The following CNTNAP2 variants were observed in gnomAD, a reference collection of about 807,000 sequenced individuals.
CNTNAP2 encodes the protein contactin-associated protein-like 2.
Under a neutral mutation model 155.2 loss-of-function variants are expected in CNTNAP2, and 98 were observed. That is an observed-to-expected ratio of 0.63 (90% CI 0.54 to 0.75). The LOEUF (loss-of-function observed/expected upper bound fraction) is 0.75. CNTNAP2 is among the 30% of genes least tolerant of loss of function. The probability of loss-of-function intolerance (pLI) is 0.00; values close to 1 mark genes in which losing one functional copy is unlikely to be tolerated. For missense variants in CNTNAP2, 1,727 were observed against 1,688.1 expected, an observed-to-expected ratio of 1.02 and a Z score of -0.40; for synonymous variants, 651 against 631.2, an observed-to-expected ratio of 1.03 and a Z score of -0.47.
At chr7:147,187,699 A>G (rs1318796387) in intron 8 of CNTNAP2, among the ~76,000 whole-genome samples, 1 of 152,192 alleles carries the variant, frequency 6.6e-6, no homozygotes, top group African/African-American at 2.4e-5. Flanking sequence ...ATCACACTAT[A>G]TATCTTTGTA....
At chr7:147,288,148 T>C (rs1805225002) in intron 8 of CNTNAP2, among the ~76,000 whole-genome samples, 1 of 152,292 alleles carries the variant, frequency 6.6e-6, no homozygotes, top group East Asian at 1.9e-4. Flanking sequence ...AGGCTTCAGA[T>C]TTACTGTCAC....
intron 15 of CNTNAP2, among the ~76,000 whole-genome samples, chr7:148,080,862 CA>C (rs1803589999): frequency 6.6e-6 from 1 of 152,120 alleles, no homozygotes; most frequent in Non-Finnish European, 1.5e-5. Flanking sequence ...AGTGCATTCT[CA>C]AAGCTGTGTG....
chr7:147,678,017 G>A (rs1795894327), intron 13 of CNTNAP2, among the ~76,000 whole-genome samples: 1 of 151,574 alleles, frequency 6.6e-6, no homozygotes, highest in East Asian at 1.9e-4. Flanking sequence ...TCATCGTTTA[G>A]GGTATATAAT....
chr7:146,364,504 A>G (rs7776880), intron 1 of CNTNAP2, among the ~76,000 whole-genome samples: 69,936 of 151,980 alleles, frequency 0.46, 18,244 homozygotes, highest in African/African-American at 0.71. Context: ...TATGAGTATT[A>G]ATTATAAACT....
chr7:146,481,005 A>AAT (rs775028022), intron 1 of CNTNAP2, among the ~76,000 whole-genome samples: 76 of 150,288 alleles, frequency 5.1e-4, no homozygotes, highest in Non-Finnish European at 7.7e-4. Context: ...ATTAATGAAA[A>AAT]TTTTTTTTTT....
intron 1 of CNTNAP2, among the ~76,000 whole-genome samples, chr7:146,752,501 G>A (rs1801923229): frequency 6.6e-6 from 1 of 152,098 alleles, no homozygotes; most frequent in South Asian, 2.1e-4. Context: ...TAAGTTTCTT[G>A]TAGATTCTGG....
At chr7:147,027,989 G>T (rs2129249269) in intron 3 of CNTNAP2, among the ~76,000 whole-genome samples, 1 of 152,276 alleles carries the variant, frequency 6.6e-6, no homozygotes. Context: ...TGGAAATTCA[G>T]GCCTAGATCT....
chr7:146,476,223 G>T (rs1316994813), intron 1 of CNTNAP2, among the ~76,000 whole-genome samples: 1 of 151,960 alleles, frequency 6.6e-6, no homozygotes, highest in Non-Finnish European at 1.5e-5. Flanking sequence ...TTAGTTACAA[G>T]AACAAATTTA....
intron 3 of CNTNAP2, among the ~76,000 whole-genome samples, chr7:146,842,883 C>T (rs187019692): frequency 0.036 from 5,438 of 149,254 alleles, 335 homozygotes; most frequent in African/African-American, 0.12. Context: ...GACGGGGTTT[C>T]ACCGAGTTAG....
At chr7:146,745,041 T>C (rs926762187) in intron 1 of CNTNAP2, among the ~76,000 whole-genome samples, 1 of 152,200 alleles carries the variant, frequency 6.6e-6, no homozygotes, top group Non-Finnish European at 1.5e-5. Context: ...ATTTCAAGGT[T>C]GTGTGCTCTA....
intron 1 of CNTNAP2, among the ~76,000 whole-genome samples, chr7:146,607,767 C>A (rs879424894): frequency 2.0e-5 from 3 of 152,024 alleles, no homozygotes; most frequent in Admixed American, 6.6e-5. Context: ...CATGAGCCAC[C>A]GGGCCTGGCC....
intron 1 of CNTNAP2, among the ~76,000 whole-genome samples, chr7:146,650,365 TAA>T (rs1367386802): frequency 6.6e-6 from 1 of 152,022 alleles, no homozygotes; most frequent in African/African-American, 2.4e-5. Flanking sequence ...TATACAGCCA[TAA>T]AAAATATGAG....
intron 15 of CNTNAP2, among the ~76,000 whole-genome samples, chr7:148,064,470 G>A (rs1052081945): frequency 3.9e-5 from 6 of 151,970 alleles, no homozygotes; most frequent in African/African-American, 1.4e-4. Flanking sequence ...TAAAGAGGAA[G>A]TCAAACTGTT....
chr7:148,160,161 G>T (rs6942678), intron 17 of CNTNAP2, among the ~76,000 whole-genome samples: 28,342 of 152,094 alleles, frequency 0.19, 2,788 homozygotes, highest in Non-Finnish European at 0.22. Flanking sequence ...GATCGCCTGA[G>T]CCCAGGAGGT....
intron 21 of CNTNAP2, among the ~76,000 whole-genome samples, chr7:148,313,129 T>C (rs1311346822): frequency 2.0e-5 from 3 of 151,584 alleles, no homozygotes; most frequent in Non-Finnish European, 4.4e-5. Context: ...TTTAGAAGCC[T>C]GGCCATCAAT....
chr7:146,931,652 G>C (rs1408058260), intron 3 of CNTNAP2, among the ~76,000 whole-genome samples: 3 of 150,702 alleles, frequency 2.0e-5, no homozygotes, highest in African/African-American at 7.4e-5. Flanking sequence ...CCAGGAACTG[G>C]TTTTTTGAAA....
intron 7 of CNTNAP2, among the ~76,000 whole-genome samples, chr7:147,130,671 G>A (rs1253404993): frequency 6.6e-6 from 1 of 152,074 alleles, no homozygotes; most frequent in Non-Finnish European, 1.5e-5. Flanking sequence ...TATAAGAAAT[G>A]TACTTTCAAA....
chr7:148,129,907 A>G (rs1310402449), intron 16 of CNTNAP2, among the ~76,000 whole-genome samples: 1 of 152,202 alleles, frequency 6.6e-6, no homozygotes, highest in South Asian at 2.1e-4. Context: ...CCTAAGGATG[A>G]TGGGGGGAGG....
At chr7:147,052,370 A>T (rs746647887) in intron 4 of CNTNAP2, among the ~76,000 whole-genome samples, 15 of 152,150 alleles carry the variant, frequency 9.9e-5, no homozygotes, top group Non-Finnish European at 1.8e-4. Context: ...GTTTGCTGAA[A>T]TGAACTGACA....
Sources: gnomAD v4.1 joint callset for allele counts (sites outside exome capture counted in the v4.1 genomes callset) on GRCh38, gnomAD v4.1.1 for gene constraint, MANE v1.5 for transcripts, NCBI Gene and HGNC (gene_info 2026-07-23, HGNC 2026-07-21) for gene names.